Variants in IGF2R observed in about 807,000 individuals in gnomAD.
IGF2R encodes cation-independent mannose-6-phosphate receptor.
A neutral mutation model predicts 270.6 loss-of-function variants in IGF2R; 91 were observed. The observed-to-expected ratio is 0.34, with a 90% CI of 0.28 to 0.40. The LOEUF (loss-of-function observed/expected upper bound fraction) is 0.40. Among genes scored for constraint, IGF2R ranks in the 10% least tolerant of loss-of-function variants. The pLI is 1.00. For missense variants in IGF2R, 2,805 were observed against 3,188.3 expected, an observed-to-expected ratio of 0.88 and a Z score of 2.90; for synonymous variants, 1,316 against 1,258.9, an observed-to-expected ratio of 1.05 and a Z score of -0.96.
intron 4 of IGF2R, among the ~76,000 whole-genome samples, chr6:160,019,911 C>T (rs980243878): frequency 1.3e-5 from 2 of 152,112 alleles, no homozygotes; most frequent in African/African-American, 4.8e-5. Flanking sequence ...GACAATGATG[C>T]CCACTTTTTC....
Position 160,080,182 on chromosome 6 carries a change from TA to T in IGF2R, c.5741del (p.Tyr1914SerfsTer6). 6.2e-7 allele frequency: 1 copy of T among 1,614,144 alleles called. No homozygotes were observed. On this transcript the variant is annotated frameshift_variant, in exon 39 of 48. Coordinates refer to ENST00000356956, the MANE Select transcript of IGF2R (RefSeq NM_000876.4). LOFTEE classifies it high-confidence loss of function. The stretch of plus-strand genomic sequence containing the variant: ...CCCCTTCATATTCAATGGGAAGAGC[TA>T]CGAGGAGTGCATCATAGAGAGCAGG... ...VFPFIFNGKS[Y>X]EECIIESRAK...
chr6:160,055,592 G>A (rs955494125), intron 19 of IGF2R, among the ~76,000 whole-genome samples: 2 of 152,136 alleles, frequency 1.3e-5, no homozygotes, highest in African/African-American at 4.8e-5. Flanking sequence ...GTGGGTGGGG[G>A]CTTTCAAGGG....
At chr6:160,068,463 C>G in intron 30 of IGF2R, 78 bp downstream of exon 30, 1 of 1,575,850 alleles carries the variant, frequency 6.3e-7, no homozygotes, top group Non-Finnish European at 8.7e-7. Context: ...GGGGCCTCCT[C>G]GTGGGGTGGT....
In IGF2R at chr6:159,992,048, C is replaced by T. The variant is rs145635205; in HGVS notation, c.289+725C>T. Among the ~76,000 whole-genome samples the T allele has an allele frequency of 3.4e-3, 520 of 152,238 alleles. 3 individuals are homozygous for T. Among genetic ancestry groups the T allele is most frequent in the African/African-American group, 0.012 (494 of 41,536 alleles). On this transcript the variant is annotated intron_variant, in intron 2 of 47. Transcript: ENST00000356956. ...CCTTGGATTTGGCAACATGGATGTC[C>T]GTGGTGACCTTTCACTAAGGCAGTT...
intron 6 of IGF2R, among the ~76,000 whole-genome samples, chr6:160,027,733 G>C (rs574942298): frequency 1.3e-5 from 2 of 152,228 alleles, no homozygotes; most frequent in Admixed American, 1.3e-4. Flanking sequence ...AGGGACCTTG[G>C]TTCCCAGTGG....
rs1784343912 is a variant in IGF2R, at chr6:160,012,134, G to A, written c.513+1349G>A. The stretch of plus-strand genomic sequence containing the variant: ...ATACTGCCCAGGAAAGCCATAAGGA[G>A]CATTCAATGAAAAAAAAAAAGTTTA... On this transcript the variant is annotated intron_variant, in intron 4 of 47. Coordinates refer to ENST00000356956, the MANE Select transcript of IGF2R (RefSeq NM_000876.4). 2.6e-5 allele frequency among the ~76,000 whole-genome samples: 4 copies of A among 151,858 alleles called. No homozygotes were observed. The South Asian group carries it at 8.3e-4, about 31-fold the overall frequency.
At chr6:160,006,760 A>T (rs1208649369) in intron 2 of IGF2R, 4 of 152,204 alleles carry the variant, frequency 2.6e-5, no homozygotes, top group South Asian at 4.1e-4. Flanking sequence ...TCCATAGACT[A>T]ACCTTTTTCC....
At position 160,064,856 on chromosome 6, in the gene IGF2R, C is replaced by T. The variant is rs766388482; in HGVS notation, c.4070C>T (p.Thr1357Met). The change falls in exon 29 of 48, where the codon ACG becomes ATG. Residue 1357 changes from threonine (T) to methionine (M), a missense_variant. Thr to Met is a moderately conservative substitution (Grantham distance 81). Coordinates refer to ENST00000356956, the MANE Select transcript of IGF2R (RefSeq NM_000876.4). Reference sequence around the variant, plus strand: ...TGTTCCTACTTGTTTGAGTGGCGAACGCAGTATGCCTGCCCACCTTTCGAT... The same window carrying T: ...TGTTCCTACTTGTTTGAGTGGCGAATGCAGTATGCCTGCCCACCTTTCGAT... ...SDCSYLFEWRTQYACPPFDLT... is the reference protein window; with the variant it reads ...SDCSYLFEWRMQYACPPFDLT... 38 of 1,613,556 alleles carry T rather than the reference C, an allele frequency of 2.4e-5. No homozygotes were observed. The highest frequency in any genetic ancestry group is 2.7e-5 in the Non-Finnish European group (32 of 1,179,550).
chr6:160,072,125 G>A (rs1444213660), intron 32 of IGF2R, 89 bp downstream of exon 32: 5 of 1,551,682 alleles, frequency 3.2e-6, no homozygotes, highest in Non-Finnish European at 3.5e-6. Flanking sequence ...GACCCAAAGA[G>A]AAGCTATGGG....
intron 1 of IGF2R, among the ~76,000 whole-genome samples, chr6:159,972,256 G>A (rs895020420): frequency 2.0e-5 from 3 of 152,262 alleles, no homozygotes; most frequent in East Asian, 1.9e-4. Context: ...ATGAAAAGTC[G>A]AGTCCTACAA....
intron 19 of IGF2R, among the ~76,000 whole-genome samples, chr6:160,053,945 C>G (rs1218936004): frequency 1.3e-5 from 2 of 152,098 alleles, no homozygotes; most frequent in East Asian, 3.8e-4. Flanking sequence ...CTTAGAACTC[C>G]TAGGTTCAAG....
intron 46 of IGF2R, among the ~76,000 whole-genome samples, chr6:160,103,277 C>A (rs1476212667): frequency 6.6e-6 from 1 of 151,012 alleles, no homozygotes; most frequent in East Asian, 1.9e-4. Context: ...GCCAAGATCT[C>A]ACCACTGCAC....
intron 10 of IGF2R, among the ~76,000 whole-genome samples, chr6:160,039,146 T>C (rs1344262900): frequency 6.6e-6 from 1 of 152,228 alleles, no homozygotes; most frequent in Non-Finnish European, 1.5e-5. Context: ...TAGAGTGTAC[T>C]TAACACACAC....
At chr6:160,047,073 G>A (rs562512236) in intron 15 of IGF2R, 86 bp from the exon 16 acceptor site, 14 of 1,292,498 alleles carry the variant, frequency 1.1e-5, no homozygotes, top group South Asian at 6.0e-5. Context: ...TCCTCACGTC[G>A]CTCACGGGCC....
At chr6:160,070,716 G>A (rs1778700161) in intron 31 of IGF2R, among the ~76,000 whole-genome samples, 1 of 152,194 alleles carries the variant, frequency 6.6e-6, no homozygotes, top group Non-Finnish European at 1.5e-5. Context: ...GACAAGCTCG[G>A]TGGCTGAGTT....
At position 160,037,208 on chromosome 6, in the gene IGF2R, C is replaced by G. The variant is rs548643795; in HGVS notation, c.1315+2686C>G. On this transcript the variant is annotated intron_variant, in intron 10 of 47. Coordinates refer to ENST00000356956, the MANE Select transcript of IGF2R (RefSeq NM_000876.4). ...GTTAAAAAACCCATGTTTTCCTAGGCTGTTTTCATTATGATTGTAACAAGG... is the reference window on the plus strand; with the variant it reads ...GTTAAAAAACCCATGTTTTCCTAGGGTGTTTTCATTATGATTGTAACAAGG... Among the ~76,000 whole-genome samples the G allele has an allele frequency of 2.6e-4, 40 of 152,280 alleles. 1 individual carries two copies. The South Asian group carries it at 7.9e-3, about 30-fold the overall frequency.
chr6:160,083,436 A>T (rs1014079427), intron 39 of IGF2R, among the ~76,000 whole-genome samples: 2 of 152,084 alleles, frequency 1.3e-5, no homozygotes, highest in Admixed American at 1.3e-4. Flanking sequence ...GCCTTCCTCC[A>T]TCTCACCTGC....
chr6:160,103,893 G>C (rs1779551756), intron 47 of IGF2R, 78 bp downstream of exon 47: 12 of 970,356 alleles, frequency 1.2e-5, no homozygotes, highest in South Asian at 2.7e-5. Flanking sequence ...GTTCTCATCA[G>C]GGGTGCCAAG....
Position 160,064,827 on chromosome 6 carries a change from A to T in IGF2R, c.4041A>T (p.Ser1347=), listed in dbSNP as rs1302519427. 1 of 1,613,204 alleles carries T rather than the reference A, an allele frequency of 6.2e-7. No individual in the cohort carries two copies. Among genetic ancestry groups the T allele is most frequent in the East Asian group, 2.2e-5 (1 of 44,900 alleles). ...TQRPVFLKET[S]DCSYLFEWRT... ...AGCCAGTATTTCTAAAGGAGACTTC[A>T]GATTGTTCCTACTTGTTTGAGTGGC... Residue 1347 remains serine, a synonymous_variant, in exon 29 of 48, where the codon TCA becomes TCT. Coordinates refer to ENST00000356956, the MANE Select transcript of IGF2R (RefSeq NM_000876.4).
Sources: gnomAD v4.1 joint callset for allele counts (sites outside exome capture counted in the v4.1 genomes callset) on GRCh38, gnomAD v4.1.1 for gene constraint, MANE v1.5 for transcripts, NCBI Gene and HGNC (gene_info 2026-07-23, HGNC 2026-07-21) for gene names.